RNFT2: variants seen among roughly 807,000 people sequenced by gnomAD.
RNFT2 encodes E3 ubiquitin-protein ligase RNFT2.
Under a neutral mutation model 53.0 loss-of-function variants are expected in RNFT2, and 36 were observed. The ratio of observed to expected loss-of-function variants is 0.68; its 90% CI spans 0.52 to 0.90. The LOEUF (loss-of-function observed/expected upper bound fraction) is 0.90, where lower values mean the gene tolerates loss of function less well. Ranked by LOEUF, RNFT2 falls within the 40% of genes least tolerant of loss-of-function variation. RNFT2 has a pLI of 0.00. For synonymous variants in RNFT2, 260 were observed against 253.2 expected (o/e 1.03, Z -0.26); for missense variants, 514 against 585.6 (o/e 0.88, Z 1.26).
chr12:116,742,511 T>C (rs78989967), intron 3 of RNFT2, among the ~76,000 whole-genome samples: 5,945 of 152,162 alleles, frequency 0.039, 386 homozygotes, highest in African/African-American at 0.14. Flanking sequence ...AAGCGATCTG[T>C]CCGACTTGGC....
At chr12:116,827,076 T>G (rs1876375696) in intron 7 of RNFT2, among the ~76,000 whole-genome samples, 1 of 151,718 alleles carries the variant, frequency 6.6e-6, no homozygotes. Flanking sequence ...AAAAATTAGC[T>G]GGGTCTGGCA....
chr12:116,819,935 CTT>C (rs2137179583), intron 7 of RNFT2, among the ~76,000 whole-genome samples: 1 of 152,254 alleles, frequency 6.6e-6, no homozygotes, highest in South Asian at 2.1e-4. Context: ...GAACAGGTGA[CTT>C]TAATTTTAAT....
chr12:116,853,327 C>A lies in RNFT2; in HGVS notation c.*3879C>A. 1 of 397,494 alleles carries A rather than the reference C, an allele frequency of 2.5e-6. No individual in the cohort carries two copies. The highest frequency in any genetic ancestry group is 1.3e-4 in the South Asian group (1 of 7,598). The allele number at this position is 397,494 out of a possible 1,614,324, so 24.6% of individuals were successfully genotyped here. ...ATTTTATGATTCACTGACTCAAGTT[C>A]CACGAAGTCCTTAGAAATGGACCTC... On this transcript the variant is annotated 3_prime_UTR_variant, in exon 11 of 11. Coordinates refer to ENST00000257575, the MANE Select transcript of RNFT2 (RefSeq NM_001382266.1).
In RNFT2 at chr12:116,851,751, A is replaced by AAAAG. The variant is rs756246780; in HGVS notation, c.*2314_*2317dup. 2.7e-5 allele frequency: 20 copies of AAAAG among 752,646 alleles called. No individual in the cohort carries two copies. The highest frequency in any genetic ancestry group is 2.6e-4 in the African/African-American group (15 of 56,658). 46.6% of individuals were successfully genotyped at this position (752,646 alleles called of 1,614,324 possible). On this transcript the variant is annotated 3_prime_UTR_variant, in exon 11 of 11. Coordinates refer to ENST00000257575, the MANE Select transcript of RNFT2 (RefSeq NM_001382266.1). Reference sequence around the variant, plus strand: ...GTGAGTGAGACTCTGTCTAAAAAAAAAAAGAAAGAAAGAAGGGAGGGAGGG... The same window carrying AAAAG: ...GTGAGTGAGACTCTGTCTAAAAAAAAAAAGAAAGAAAGAAAGAAGGGAGGGAGGG...
rs559586423 is a variant in RNFT2, at chr12:116,743,452, G to A, written c.83+2358G>A. On this transcript the variant is annotated intron_variant, in intron 3 of 10. Coordinates refer to ENST00000257575, the MANE Select transcript of RNFT2 (RefSeq NM_001382266.1). ...TGGCTAATTTTTTTGTATTTTAGTA[G>A]AGATGGGGTTTCACCATGTTGGCTA... is the stretch of plus-strand genomic sequence containing the variant. 4.6e-5 allele frequency among the ~76,000 whole-genome samples: 7 copies of A among 152,114 alleles called. No homozygotes were observed. The East Asian group carries it at 1.4e-3, about 29-fold the overall frequency.
chr12:116,758,169 G>T (rs1424114802), intron 5 of RNFT2, among the ~76,000 whole-genome samples: 1 of 152,128 alleles, frequency 6.6e-6, no homozygotes, highest in Non-Finnish European at 1.5e-5. Flanking sequence ...GTGTCCATTT[G>T]CATGAAATGC....
intron 1 of RNFT2, among the ~76,000 whole-genome samples, chr12:116,738,881 A>AT (rs534890666): frequency 8.5e-4 from 129 of 152,326 alleles, no homozygotes; most frequent in Admixed American, 2.2e-3. Flanking sequence ...GCAATGTGGG[A>AT]TAATGGAGGG....
Position 116,814,398 on chromosome 12 carries a change from A to G in RNFT2, c.883-19394A>G, listed in dbSNP as rs184842577. Among the ~76,000 whole-genome samples, 35 of 152,244 alleles carry G rather than the reference A, an allele frequency of 2.3e-4. 2 individuals carry two copies. The East Asian group carries it at 6.2e-3, about 27-fold the overall frequency. Reference sequence around the variant, plus strand: ...TTTGCAGGGCGGGGAAGGGAGGGCGATGCTCTTTTAGACAGTGGTGGGGGG... The same window carrying G: ...TTTGCAGGGCGGGGAAGGGAGGGCGGTGCTCTTTTAGACAGTGGTGGGGGG... On this transcript the variant is annotated intron_variant, in intron 7 of 10. Transcript: ENST00000257575.
At chr12:116,843,331 A>C (rs1877447602) in intron 10 of RNFT2, among the ~76,000 whole-genome samples, 1 of 151,738 alleles carries the variant, frequency 6.6e-6, no homozygotes, top group African/African-American at 2.4e-5. Context: ...CAACTCTACA[A>C]AAAATACAAA....
At chr12:116,776,464 G>A (rs1009448759) in intron 6 of RNFT2, among the ~76,000 whole-genome samples, 2 of 152,142 alleles carry the variant, frequency 1.3e-5, no homozygotes, top group Admixed American at 6.6e-5. Flanking sequence ...GCTCAGGGCC[G>A]CAAACCTCTC....
At chr12:116,790,127 C>T (rs1314263067) in intron 7 of RNFT2, among the ~76,000 whole-genome samples, 1 of 152,154 alleles carries the variant, frequency 6.6e-6, no homozygotes, top group Non-Finnish European at 1.5e-5. Context: ...ACACAAAAAC[C>T]TATAAGCAAA....
At position 116,853,042 on chromosome 12, in the gene RNFT2, G is replaced by T; in HGVS notation, c.*3594G>T. The T allele has an allele frequency of 2.3e-6, 1 of 432,502 alleles. No individual in the cohort carries two copies. Among genetic ancestry groups the T allele is most frequent in the Non-Finnish European group, 4.0e-6 (1 of 247,166 alleles). 26.8% of individuals were successfully genotyped at this position (432,502 alleles called of 1,614,324 possible). ...TTAGTTTAGGATTTTATTAGTGCAT[G>T]CCCTACCCTCTGGGGGAACGTCCCA... On this transcript the variant is annotated 3_prime_UTR_variant, in exon 11 of 11. Transcript: ENST00000257575.
intron 6 of RNFT2, among the ~76,000 whole-genome samples, chr12:116,778,642 G>A: frequency 6.6e-6 from 1 of 152,254 alleles, no homozygotes; most frequent in South Asian, 2.1e-4. Flanking sequence ...TTGAGGTCAG[G>A]AGTTTGAGAC....
At chr12:116,791,043 G>A (rs1465339080) in intron 7 of RNFT2, among the ~76,000 whole-genome samples, 1 of 152,228 alleles carries the variant, frequency 6.6e-6, no homozygotes, top group Admixed American at 6.5e-5. Flanking sequence ...CATTCACAGT[G>A]TTGTACAACC....
At chr12:116,797,530 G>A (rs116060860) in intron 7 of RNFT2, among the ~76,000 whole-genome samples, 1,794 of 144,470 alleles carry the variant, frequency 0.012, 40 homozygotes, top group African/African-American at 0.049. Flanking sequence ...ACTCCAGCCT[G>A]TCTATCTCAA....
At chr12:116,823,283 G>GA (rs1419267215) in intron 7 of RNFT2, among the ~76,000 whole-genome samples, 4 of 152,220 alleles carry the variant, frequency 2.6e-5, no homozygotes, top group African/African-American at 9.7e-5. Context: ...GAGGCCCAGA[G>GA]AGGGAGAGCA....
chr12:116,795,581 G>A lies in RNFT2; in HGVS notation c.882+16233G>A, dbSNP rs995201920. Among the ~76,000 whole-genome samples, 9 of 152,126 alleles carry A rather than the reference G, an allele frequency of 5.9e-5. No individual in the cohort carries two copies. In the East Asian group the frequency reaches 1.3e-3, roughly 23 times the overall value. On this transcript the variant is annotated intron_variant, in intron 7 of 10. Transcript: ENST00000257575. ...CCAACCACGTTTCAAGGGCTCAAAC[G>A]CAGAAATGGCTCACGGCTACTAGGG...
intron 9 of RNFT2, 31 bp from the exon 10 acceptor site, chr12:116,836,150 T>C (rs1027637068): frequency 1.9e-6 from 3 of 1,590,714 alleles, no homozygotes; most frequent in African/African-American, 2.7e-5. Context: ...AGGGCGCCCA[T>C]AGCTGTATTT....
Position 116,844,851 on chromosome 12 carries a change from A to G in RNFT2, c.1201-4463A>G, listed in dbSNP as rs139469766. Among the ~76,000 whole-genome samples, 417 of 152,250 alleles carry G rather than the reference A, an allele frequency of 2.7e-3. 2 individuals are homozygous for G. The highest frequency in any genetic ancestry group is 0.024 in the Middle Eastern group (7 of 294). ...TGTAAGTACCTCTTTTGTCCAGGGT[A>G]GCATAGTTAAGTCCCATTTGGTTGG... On this transcript the variant is annotated intron_variant, in intron 10 of 10. Coordinates refer to ENST00000257575, the MANE Select transcript of RNFT2 (RefSeq NM_001382266.1).
Sources: gnomAD v4.1 joint callset for allele counts (sites outside exome capture counted in the v4.1 genomes callset) on GRCh38, gnomAD v4.1.1 for gene constraint, MANE v1.5 for transcripts, NCBI Gene and HGNC (gene_info 2026-07-23, HGNC 2026-07-21) for gene names.